Variants in APBA1 observed in about 807,000 individuals in gnomAD.
APBA1 encodes amyloid beta precursor protein binding family A member 1, also known as amyloid-beta A4 precursor protein-binding family A member 1.
APBA1 carries 55 observed loss-of-function variants against 86.6 expected under a neutral mutation model. The ratio of observed to expected loss-of-function variants is 0.64; its 90% CI spans 0.51 to 0.80. The LOEUF is 0.80. Ranked by LOEUF, APBA1 falls within the 30% of genes least tolerant of loss-of-function variation. The pLI is 0.00. For missense variants in APBA1, 1,090 were observed against 1,183.0 expected (o/e 0.92, Z 1.15); for synonymous variants, 511 against 493.9 (o/e 1.03, Z -0.46).
intron 1 of APBA1, among the ~76,000 whole-genome samples, chr9:69,535,753 T>C (rs1057478974): frequency 1.3e-5 from 2 of 152,142 alleles, no homozygotes; most frequent in Non-Finnish European, 2.9e-5. Context: ...GCCCCCTCTA[T>C]TGAATTTTTG....
intron 2 of APBA1, among the ~76,000 whole-genome samples, chr9:69,481,936 G>A (rs1835517710): frequency 6.6e-6 from 1 of 151,482 alleles, no homozygotes; most frequent in Admixed American, 6.6e-5. Flanking sequence ...AGCTGAAACT[G>A]GATCCCTTCC....
At chr9:69,636,824 A>AGG (rs1564098769) in intron 1 of APBA1, among the ~76,000 whole-genome samples, 3 of 40,670 alleles carry the variant, frequency 7.4e-5, no homozygotes, top group Non-Finnish European at 1.6e-4. Flanking sequence ...AGAGAGAGAG[A>AGG]GAGAGAGGGA....
At chr9:69,611,557 C>A (rs1427405225) in intron 1 of APBA1, among the ~76,000 whole-genome samples, 1 of 152,122 alleles carries the variant, frequency 6.6e-6, no homozygotes, top group Non-Finnish European at 1.5e-5. Flanking sequence ...CTGGTTTATT[C>A]AAAATTTTGG....
chr9:69,440,770 A>T (rs1834805264), intron 11 of APBA1, among the ~76,000 whole-genome samples: 1 of 152,084 alleles, frequency 6.6e-6, no homozygotes, highest in Admixed American at 6.5e-5. Context: ...GCTCTTGCAC[A>T]GTGCGCTGCA....
At chr9:69,611,996 T>G (rs1219595529) in intron 1 of APBA1, among the ~76,000 whole-genome samples, 2 of 152,178 alleles carry the variant, frequency 1.3e-5, no homozygotes, top group Non-Finnish European at 2.9e-5. Context: ...CATCCACTTT[T>G]GTCTGGTTTT....
intron 1 of APBA1, among the ~76,000 whole-genome samples, chr9:69,627,589 C>T (rs1254989157): frequency 1.1e-4 from 17 of 152,040 alleles, no homozygotes; most frequent in Non-Finnish European, 1.5e-5. Flanking sequence ...GGTGACATAA[C>T]AAGAAACCAA....
chr9:69,541,335 C>T (rs984660295), intron 1 of APBA1, among the ~76,000 whole-genome samples: 2 of 149,310 alleles, frequency 1.3e-5, no homozygotes, highest in South Asian at 2.1e-4. Context: ...AATTTCTCCA[C>T]ATCCTTGCCA....
At chr9:69,550,708 G>A (rs993164288) in intron 1 of APBA1, among the ~76,000 whole-genome samples, 16 of 152,188 alleles carry the variant, frequency 1.1e-4, no homozygotes, top group African/African-American at 3.1e-4. Context: ...TGTGAGCTCT[G>A]AGAAGTGCTG....
At chr9:69,501,837 T>C (rs931063239) in intron 2 of APBA1, among the ~76,000 whole-genome samples, 1 of 151,984 alleles carries the variant, frequency 6.6e-6, no homozygotes, top group Non-Finnish European at 1.5e-5. Context: ...AAAGAGTGCA[T>C]AGTCGGGGCA....
chr9:69,469,266 A>G (rs1275298088), intron 4 of APBA1, among the ~76,000 whole-genome samples: 1 of 152,198 alleles, frequency 6.6e-6, no homozygotes, highest in Non-Finnish European at 1.5e-5. Flanking sequence ...TTGTAATGGA[A>G]ACAATTTGCT....
At chr9:69,525,982 C>A (rs967948484) in intron 1 of APBA1, among the ~76,000 whole-genome samples, 1 of 152,100 alleles carries the variant, frequency 6.6e-6, no homozygotes, top group Non-Finnish European at 1.5e-5. Flanking sequence ...ACTCCTTGTT[C>A]AATAAATGGT....
chr9:69,618,294 AC>A (rs1326480126), intron 1 of APBA1, among the ~76,000 whole-genome samples: 2 of 152,170 alleles, frequency 1.3e-5, no homozygotes, highest in Admixed American at 6.5e-5. Context: ...ATGCATTGAC[AC>A]CAGTGACTTT....
intron 1 of APBA1, among the ~76,000 whole-genome samples, chr9:69,588,543 GA>G (rs35029692): frequency 6.7e-6 from 1 of 150,190 alleles, no homozygotes; most frequent in African/African-American, 2.5e-5. Flanking sequence ...GTGAAGATGA[GA>G]AAAAAAAACA....
intron 5 of APBA1, chr9:69,464,755 C>T (rs1835248880): frequency 6.6e-6 from 1 of 152,234 alleles, no homozygotes; most frequent in Non-Finnish European, 1.5e-5. Flanking sequence ...GTACCCCGAA[C>T]ATTGCTTTAC....
chr9:69,477,033 G>A (rs1014636782), intron 2 of APBA1, among the ~76,000 whole-genome samples: 3 of 152,250 alleles, frequency 2.0e-5, no homozygotes, highest in African/African-American at 7.2e-5. Flanking sequence ...ACATTGTTGT[G>A]TGCTTCTGAA....
intron 1 of APBA1, among the ~76,000 whole-genome samples, chr9:69,566,756 A>G (rs952847165): frequency 2.0e-5 from 3 of 152,060 alleles, no homozygotes; most frequent in Non-Finnish European, 2.9e-5. Context: ...GGCGTCTTCA[A>G]TGCTGGCTCC....
At chr9:69,546,586 C>G (rs1836701706) in intron 1 of APBA1, among the ~76,000 whole-genome samples, 1 of 152,186 alleles carries the variant, frequency 6.6e-6, no homozygotes, top group Admixed American at 6.5e-5. Context: ...CTAGAACTAG[C>G]TTAAGTAAGT....
rs139962759 is a variant in APBA1, at chr9:69,433,317, T to C, written c.2302-641A>G. ...GGCTGATGCGCCCTCCACCCTTACC[T>C]CACACACACTACAACATAACTTTTC... On this transcript the variant is annotated intron_variant, in intron 11 of 12. Transcript: ENST00000265381. Among the ~76,000 whole-genome samples the C allele has an allele frequency of 1.3e-3, 191 of 152,270 alleles. 2 individuals are homozygous for C. The highest frequency in any genetic ancestry group is 3.4e-3 in the Middle Eastern group (1 of 294).
chr9:69,446,792 G>A (rs1182256654), intron 10 of APBA1, among the ~76,000 whole-genome samples: 1 of 152,158 alleles, frequency 6.6e-6, no homozygotes, highest in East Asian at 1.9e-4. Flanking sequence ...TGTCCCCCTT[G>A]TGGGCTGTCC....
Sources: allele counts gnomAD v4.1 joint callset (sites outside exome capture counted in the v4.1 genomes callset), GRCh38; gene constraint gnomAD v4.1.1; transcripts MANE v1.5; gene names NCBI Gene and HGNC (gene_info 2026-07-23, HGNC 2026-07-21).